The following PPM1D variants were observed in gnomAD, a reference collection of about 807,000 sequenced individuals.
PPM1D encodes the protein protein phosphatase, Mg2+/Mn2+ dependent 1D, also known as protein phosphatase 1D.
A neutral mutation model predicts 58.3 loss-of-function variants in PPM1D; 52 were observed. The ratio of observed to expected loss-of-function variants is 0.89; its 90% CI spans 0.71 to 1.12. The LOEUF (loss-of-function observed/expected upper bound fraction) is 1.12, where lower values mean the gene tolerates loss of function less well. PPM1D is among the 50% of genes most tolerant of loss of function. The pLI is 0.00. For synonymous variants in PPM1D, 278 were observed against 285.1 expected, an observed-to-expected ratio of 0.98 and a Z score of 0.25; for missense variants, 564 against 777.2, an observed-to-expected ratio of 0.73 and a Z score of 3.26.
chr17:60,652,015 T>C (rs1023945929), intron 4 of PPM1D, among the ~76,000 whole-genome samples: 1 of 152,162 alleles, frequency 6.6e-6, no homozygotes, highest in Non-Finnish European at 1.5e-5. Context: ...AAATAGAGAT[T>C]TTTAAAACAC....
intron 2 of PPM1D, among the ~76,000 whole-genome samples, chr17:60,625,728 C>G (rs1386613810): frequency 6.6e-6 from 1 of 151,852 alleles, no homozygotes; most frequent in Non-Finnish European, 1.5e-5. Context: ...TGTTTATGGT[C>G]ACAAAAAAGC....
intron 3 of PPM1D, among the ~76,000 whole-genome samples, chr17:60,642,433 G>C (rs1007685283): frequency 7.6e-6 from 1 of 131,762 alleles, no homozygotes; most frequent in East Asian, 2.5e-4. Flanking sequence ...AGCCACCCCC[G>C]CCCACAGCAG....
intron 3 of PPM1D, among the ~76,000 whole-genome samples, chr17:60,645,992 T>G (rs987669452): frequency 2.6e-5 from 4 of 151,892 alleles, no homozygotes; most frequent in African/African-American, 9.7e-5. Context: ...AAAAATAAAT[T>G]AGCTGGGCCT....
chr17:60,630,540 C>G (rs2030899852), intron 2 of PPM1D, among the ~76,000 whole-genome samples: 1 of 152,166 alleles, frequency 6.6e-6, no homozygotes, highest in African/African-American at 2.4e-5. Context: ...TGTTGCTGCT[C>G]AGTCAGCTCT....
At chr17:60,655,414 T>A (rs2031419083) in intron 4 of PPM1D, among the ~76,000 whole-genome samples, 1 of 152,272 alleles carries the variant, frequency 6.6e-6, no homozygotes, top group Non-Finnish European at 1.5e-5. Context: ...AGTGGCGTGA[T>A]CTCGGCTCAC....
At position 60,600,292 on chromosome 17, in the gene PPM1D, G is replaced by A. The variant is rs954722354; in HGVS notation, c.-123G>A. ...CGCGCGCCCCCCCTTCTCCGGGTCC[G>A]CCCCCTCCCCCTTCTCGGCGTCGTC... is the stretch of plus-strand genomic sequence containing the variant. On this transcript the variant is annotated 5_prime_UTR_variant, in exon 1 of 6. Transcript: ENST00000305921. The A allele has an allele frequency of 8.3e-6, 12 of 1,444,156 alleles. No homozygotes were observed. In the African/African-American group the frequency reaches 1.2e-4, roughly 14 times the overall value. The allele number at this position is 1,444,156 out of a possible 1,614,324, so 89.5% of individuals were successfully genotyped here. A position where few individuals can be genotyped will look rare whatever the true frequency, so the allele number is the denominator to read the frequency against.
chr17:60,661,382 CA>C (rs1264609551), intron 5 of PPM1D, among the ~76,000 whole-genome samples: 1 of 151,916 alleles, frequency 6.6e-6, no homozygotes, highest in Non-Finnish European at 1.5e-5. Context: ...GAAAATTTTA[CA>C]TGTTTGGGGG....
chr17:60,655,795 G>A (rs945218707), intron 4 of PPM1D, among the ~76,000 whole-genome samples: 3 of 150,818 alleles, frequency 2.0e-5, no homozygotes, highest in East Asian at 2.0e-4. Context: ...TCCGCCTCCT[G>A]GGTTCAAGCG....
In PPM1D at chr17:60,663,565, A is replaced by G. The variant is rs1369512739; in HGVS notation, c.*13A>G. On this transcript the variant is annotated 3_prime_UTR_variant, in exon 6 of 6. Transcript: ENST00000305921. Reference sequence around the variant, plus strand: ...TTGTGTTTGCTGAAATGCATCTGGGAAATGAGGTTTTTCCAAACTTAGGAT... The same window carrying G: ...TTGTGTTTGCTGAAATGCATCTGGGGAATGAGGTTTTTCCAAACTTAGGAT... The G allele has an allele frequency of 6.3e-7, 1 of 1,596,360 alleles. No individual in the cohort carries two copies. The highest frequency in any genetic ancestry group is 1.7e-5 in the Admixed American group (1 of 58,930).
At chr17:60,611,268 G>A (rs1268927353) in intron 1 of PPM1D, among the ~76,000 whole-genome samples, 2 of 152,128 alleles carry the variant, frequency 1.3e-5, no homozygotes, top group Non-Finnish European at 2.9e-5. Context: ...TGATCTGCAC[G>A]CCTTGGCCTC....
chr17:60,628,322 G>A (rs2030852282), intron 2 of PPM1D, among the ~76,000 whole-genome samples: 1 of 152,160 alleles, frequency 6.6e-6, no homozygotes, highest in South Asian at 2.1e-4. Context: ...CAGAGTGTTT[G>A]TTATAATCAA....
chr17:60,641,156 C>CT (rs1360817663), intron 3 of PPM1D, among the ~76,000 whole-genome samples: 2 of 152,160 alleles, frequency 1.3e-5, no homozygotes, highest in Non-Finnish European at 2.9e-5. Context: ...GTTCTAAGTT[C>CT]TTTGAGATAT....
At chr17:60,623,976 A>T (rs1598403842) in intron 2 of PPM1D, among the ~76,000 whole-genome samples, 1 of 152,232 alleles carries the variant, frequency 6.6e-6, no homozygotes, top group South Asian at 2.1e-4. Context: ...ATAATATTTC[A>T]GTGAGCCCCA....
intron 3 of PPM1D, among the ~76,000 whole-genome samples, chr17:60,645,498 GTATATA>G (rs372803601): frequency 5.4e-5 from 7 of 130,220 alleles, no homozygotes; most frequent in Admixed American, 1.6e-4. Flanking sequence ...GTGTGTATGT[GTATATA>G]TATATGTGTA....
In PPM1D at chr17:60,663,037, C is replaced by G. The variant is rs2031552411; in HGVS notation, c.1303C>G (p.His435Asp). 2 of 1,613,984 alleles carry G rather than the reference C, an allele frequency of 1.2e-6. No homozygotes were observed. The highest frequency in any genetic ancestry group is 2.2e-5 in the South Asian group (2 of 91,082). The change falls in exon 6 of 6, where the codon CAT becomes GAT. Residue 435 changes from histidine (H) to aspartate (D), a missense_variant. By Grantham distance (81) the His-to-Asp change is moderately conservative. Transcript: ENST00000305921. The stretch of plus-strand genomic sequence containing the variant: ...ATGGCCAAGGGTGAATTCTAAGGAC[C>G]ATATACCTGCCCTGGTTCGTAGCAA... ...DPWPRVNSKD[H>D]IPALVRSNAF...
At position 60,657,297 on chromosome 17, in the gene PPM1D, C is replaced by T. The variant is rs1282337714; in HGVS notation, c.1260+456C>T. 3.3e-5 allele frequency among the ~76,000 whole-genome samples: 5 copies of T among 152,050 alleles called. No individual in the cohort carries two copies. The East Asian group carries it at 7.7e-4, about 23-fold the overall frequency. ...CGTTACAACTGGTTGTCTGTTAACTCGTATAAGAAACTTTATTCCTATTTC... is the reference window on the plus strand; with the variant it reads ...CGTTACAACTGGTTGTCTGTTAACTTGTATAAGAAACTTTATTCCTATTTC... On this transcript the variant is annotated intron_variant, in intron 5 of 5. Coordinates refer to ENST00000305921, the MANE Select transcript of PPM1D (RefSeq NM_003620.4).
At chr17:60,639,686 C>T (rs902593872) in intron 3 of PPM1D, among the ~76,000 whole-genome samples, 1 of 152,218 alleles carries the variant, frequency 6.6e-6, no homozygotes, top group Non-Finnish European at 1.5e-5. Flanking sequence ...GATCCGCCTG[C>T]CTCGGGTTCC....
intron 2 of PPM1D, among the ~76,000 whole-genome samples, chr17:60,624,998 C>T (rs1225126687): frequency 3.3e-5 from 5 of 151,366 alleles, no homozygotes; most frequent in Admixed American, 1.3e-4. Context: ...AGAAATTAGC[C>T]GGGCGTGGCA....
In PPM1D at chr17:60,663,964, TTAAAG is replaced by T. The variant is rs1258991284; in HGVS notation, c.*417_*421del. 1.3e-5 allele frequency: 2 copies of T among 158,666 alleles called. No individual in the cohort carries two copies. The highest frequency in any genetic ancestry group is 1.8e-4 in the East Asian group (1 of 5,530). 9.8% of individuals were successfully genotyped at this position (158,666 alleles called of 1,614,324 possible). On this transcript the variant is annotated 3_prime_UTR_variant, in exon 6 of 6. Transcript: ENST00000305921. ...CTTGTCTTGAAAACTGTGCAACTTTTTAAAGTAAATTATTAAGCAGACTGGAAAAG... is the reference window on the plus strand; with the variant it reads ...CTTGTCTTGAAAACTGTGCAACTTTTTAAATTATTAAGCAGACTGGAAAAG...
Sources: gnomAD v4.1 joint callset for allele counts (sites outside exome capture counted in the v4.1 genomes callset) on GRCh38, gnomAD v4.1.1 for gene constraint, MANE v1.5 for transcripts, NCBI Gene and HGNC (gene_info 2026-07-23, HGNC 2026-07-21) for gene names.